RPL31: variants seen among roughly 807,000 people sequenced by gnomAD.
The protein encoded by RPL31 is large ribosomal subunit protein eL31.
For synonymous variants in RPL31, 51 were observed against 55.0 expected (o/e 0.93, Z 0.32); for missense variants, 95 against 164.0 (o/e 0.58, Z 2.30).
At chr2:101,018,132 C>G (rs1466509705) in intron 4 of RPL31, 10 of 528,718 alleles carry the variant, frequency 1.9e-5, no homozygotes, top group Non-Finnish European at 3.4e-5. Context: ...TTCAGAATAA[C>G]AAAGCTTTCC....
Position 101,019,077 on chromosome 2 carries a change from G to A in RPL31, c.*39G>A, listed in dbSNP as rs763167108. On this transcript the variant is annotated 3_prime_UTR_variant, in exon 5 of 5. Transcript: ENST00000409028. ...GGAAGTGGATGAGGCCTTGGGTCTC[G>A]GCTCTTCATTGCTTCCTGAGCTGCA... 18 of 1,591,340 alleles carry A rather than the reference G, an allele frequency of 1.1e-5. No homozygotes were observed. In the Admixed American group the frequency reaches 2.5e-4, roughly 22 times the overall value.
chr2:101,007,968 A>G (rs780844746), downstream of RPL31: 29 of 1,613,908 alleles, frequency 1.8e-5, 1 homozygote, highest in South Asian at 3.2e-4. Flanking sequence ...GTTCAGTCAG[A>G]AGTGAAGCTA....
chr2:101,014,352 C>T (rs1274516143), intron 4 of RPL31, among the ~76,000 whole-genome samples: 1 of 152,196 alleles, frequency 6.6e-6, no homozygotes, highest in African/African-American at 2.4e-5. Flanking sequence ...GGTATCATTT[C>T]TGATGTAGCT....
intron 4 of RPL31, chr2:101,018,871 A>G (rs1679846484): frequency 3.2e-6 from 4 of 1,232,254 alleles, no homozygotes; most frequent in Non-Finnish European, 4.5e-6. Flanking sequence ...TAACTAAGCA[A>G]AATGGCCAAT....
intron 4 of RPL31, among the ~76,000 whole-genome samples, chr2:101,015,099 C>A (rs534697907): frequency 6.6e-6 from 1 of 152,204 alleles, no homozygotes; most frequent in Non-Finnish European, 1.5e-5. Context: ...CTACACACCT[C>A]GCCTATAAAG....
chr2:101,005,480 T>C (rs758588360), intron 3 of RPL31: 1 of 155,028 alleles, frequency 6.5e-6, no homozygotes, highest in Non-Finnish European at 1.4e-5. Flanking sequence ...GGCTCTTAGT[T>C]TTGCATTTTT....
exon 5 of RPL31, chr2:101,019,473 G>C (rs908348676): frequency 6.5e-6 from 1 of 153,654 alleles, no homozygotes; most frequent in Admixed American, 6.5e-5. Context: ...TTTTAAAATA[G>C]AGATTTTAGG....
chr2:101,011,390 C>G (rs1062059), downstream of RPL31: 1 of 1,551,294 alleles, frequency 6.4e-7, no homozygotes, highest in Non-Finnish European at 8.9e-7. Context: ...AGGGCAACCC[C>G]GGTGCCTCCC....
chr2:101,008,698 G>GCTA (rs1046770045), downstream of RPL31, among the ~76,000 whole-genome samples: 9 of 152,066 alleles, frequency 5.9e-5, no homozygotes, highest in Admixed American at 5.9e-4. Context: ...TGCAATCCCA[G>GCTA]CTACTTGGGA....
At chr2:101,017,049 C>T (rs1254278939) in intron 4 of RPL31, among the ~76,000 whole-genome samples, 1 of 149,482 alleles carries the variant, frequency 6.7e-6, no homozygotes. Context: ...ACATTGTGCA[C>T]ATGTACCCTA....
chr2:101,017,247 C>A lies in RPL31; in HGVS notation c.347-1751C>A, dbSNP rs116057343. ...CCTTCTGGAATAGCGCCTGAAGGACCTGCCTGAGGCTGTTTTACAGTTTAT... is the reference window on the plus strand; with the variant it reads ...CCTTCTGGAATAGCGCCTGAAGGACATGCCTGAGGCTGTTTTACAGTTTAT... On this transcript the variant is annotated intron_variant, in intron 4 of 4. Transcript: ENST00000409028. Among the ~76,000 whole-genome samples the A allele has an allele frequency of 5.2e-3, 784 of 152,154 alleles. 6 individuals are homozygous for A. Among genetic ancestry groups the A allele is most frequent in the African/African-American group, 0.018 (735 of 41,474 alleles).
Position 101,006,457 on chromosome 2 carries a change from C to A in RPL31, c.*76C>A. The A allele has an allele frequency of 7.5e-7, 1 of 1,328,050 alleles. No individual in the cohort carries two copies. The highest frequency in any genetic ancestry group is 1.0e-6 in the Non-Finnish European group (1 of 953,850). The allele number at this position is 1,328,050 out of a possible 1,614,324, so 82.3% of individuals were successfully genotyped here. On this transcript the variant is annotated 3_prime_UTR_variant, in exon 5 of 5. Coordinates refer to ENST00000264258, the MANE Select transcript of RPL31 (RefSeq NM_000993.5). ...TTCTTTTTAGTTGCAACATAATGTA[C>A]TTGTATACCCTATCCTAATTATGGG... is the stretch of plus-strand genomic sequence containing the variant.
chr2:101,004,598 A>T, intron 3 of RPL31: 1 of 348,346 alleles, frequency 2.9e-6, no homozygotes, highest in Non-Finnish European at 5.1e-6. Context: ...CTGTGAGCCC[A>T]GTGGAGGAGG....
exon 5 of RPL31, chr2:101,019,258 G>A: frequency 9.0e-6 from 4 of 444,808 alleles, no homozygotes; most frequent in South Asian, 1.2e-4. Context: ...CTTAAGTGAA[G>A]AGAATTCTTT....
At chr2:101,004,986 G>C (rs1373930892) in intron 3 of RPL31, 3 of 152,366 alleles carry the variant, frequency 2.0e-5, no homozygotes, top group Non-Finnish European at 4.4e-5. Context: ...GGTTGGGGGA[G>C]GACTGTCTGC....
At chr2:101,005,177 G>A (rs1029148794) in intron 3 of RPL31, 3 of 152,244 alleles carry the variant, frequency 2.0e-5, no homozygotes, top group Non-Finnish European at 4.4e-5. Context: ...ATAGGAATCG[G>A]GGCCTAGAAC....
chr2:101,008,055 A>C (rs1678872680), downstream of RPL31: 3 of 1,613,936 alleles, frequency 1.9e-6, no homozygotes, highest in Non-Finnish European at 2.5e-6. Context: ...GCGTCTTCCC[A>C]GTGTCTGCAA....
intron 4 of RPL31, 47 bp from the exon 5 acceptor site, chr2:101,006,303 A>G: frequency 1.3e-6 from 2 of 1,591,822 alleles, no homozygotes; most frequent in Non-Finnish European, 1.7e-6. Context: ...GAGTTGAAAT[A>G]TGAAATGTGA....
intron 2 of RPL31, among the ~76,000 whole-genome samples, 166 bp from the exon 3 acceptor site, chr2:101,003,992 C>T (rs1454509349): frequency 2.0e-5 from 3 of 152,166 alleles, no homozygotes; most frequent in South Asian, 2.1e-4. Context: ...CTTCACTGAG[C>T]TTTAAGCACA....
Sources: allele counts gnomAD v4.1 joint callset (sites outside exome capture counted in the v4.1 genomes callset), GRCh38; gene constraint gnomAD v4.1.1; transcripts MANE v1.5; gene names NCBI Gene and HGNC (gene_info 2026-07-23, HGNC 2026-07-21).